MN1: variants seen among roughly 807,000 people sequenced by gnomAD.
MN1 encodes the protein MN1 proto-oncogene, transcriptional regulator, also known as transcriptional activator MN1.
MN1 carries 19 observed loss-of-function variants against 86.9 expected under a neutral mutation model. That is an observed-to-expected ratio of 0.22 (90% CI 0.15 to 0.32). The LOEUF (loss-of-function observed/expected upper bound fraction) is 0.32, where lower values mean the gene tolerates loss of function less well. Among genes scored for constraint, MN1 ranks in the 10% least tolerant of loss-of-function variants. The pLI is 1.00. For missense variants in MN1, 1,841 were observed against 1,862.0 expected, an observed-to-expected ratio of 0.99 and a Z score of 0.21; for synonymous variants, 928 against 849.6, an observed-to-expected ratio of 1.09 and a Z score of -1.60.
chr22:27,799,202 G>T lies in MN1; in HGVS notation c.1342C>A (p.Pro448Thr), dbSNP rs1455757896. The change falls in exon 1 of 2, where the codon CCC (proline) becomes ACC (threonine). Residue 448 changes from proline (P) to threonine (T), a missense_variant. Transcript: ENST00000302326. ...PNQRLQHFDA[P>T]PYMNVAKRPR... Reference sequence around the variant, plus strand: ...CTCTTGGCCACGTTCATGTAGGGGGGCGCGTCGAAATGCTGCAGCCGCTGG... The same window carrying T: ...CTCTTGGCCACGTTCATGTAGGGGGTCGCGTCGAAATGCTGCAGCCGCTGG... 2.5e-6 allele frequency: 4 copies of T among 1,604,230 alleles called. No homozygotes were observed. The highest frequency in any genetic ancestry group is 1.3e-5 in the African/African-American group (1 of 74,914).
intron 1 of MN1, among the ~76,000 whole-genome samples, chr22:27,756,892 A>G (rs1932805389): frequency 6.6e-6 from 1 of 152,022 alleles, no homozygotes; most frequent in African/African-American, 2.4e-5. Flanking sequence ...AGTAGCTGGG[A>G]CTATGGGTGT....
At position 27,798,924 on chromosome 22, in the gene MN1, T is replaced by TTGCTGC. The variant is rs750337114; in HGVS notation, c.1614_1619dup (p.Gln549_Gln550dup). The stretch of plus-strand genomic sequence containing the variant: ...GCTGCTGCTGCTGTTGCTGTTGCTG[T>TTGCTGC]TGCTGCTGCTGCTGCTGCTGTTGCT... On this transcript the variant is annotated inframe_insertion, in exon 1 of 2. Coordinates refer to ENST00000302326, the MANE Select transcript of MN1 (RefSeq NM_002430.3). The TTGCTGC allele has an allele frequency of 1.4e-5, 21 of 1,519,900 alleles. No individual in the cohort carries two copies. Among genetic ancestry groups the TTGCTGC allele is most frequent in the Middle Eastern group, 1.8e-4 (1 of 5,640 alleles). 94.2% of individuals were successfully genotyped at this position (1,519,900 alleles called of 1,614,324 possible). A position where few individuals can be genotyped will look rare whatever the true frequency, so the allele number is the denominator to read the frequency against.
At chr22:27,779,100 A>G (rs558189470) in intron 1 of MN1, among the ~76,000 whole-genome samples, 1 of 152,150 alleles carries the variant, frequency 6.6e-6, no homozygotes, top group African/African-American at 2.4e-5. Context: ...CACCCCTCCT[A>G]CACCTCAGGG....
chr22:27,779,064 C>CCGGT (rs1568977006), intron 1 of MN1, among the ~76,000 whole-genome samples: 1 of 152,178 alleles, frequency 6.6e-6, no homozygotes, highest in Non-Finnish European at 1.5e-5. Flanking sequence ...TGGGTCCATC[C>CCGGT]CGGTCCCTCT....
At chr22:27,761,800 C>G (rs1331139954) in intron 1 of MN1, among the ~76,000 whole-genome samples, 1 of 152,246 alleles carries the variant, frequency 6.6e-6, no homozygotes, top group Admixed American at 6.5e-5. Flanking sequence ...AGAGGCTGGG[C>G]CAGGCCCCTG....
At position 27,797,347 on chromosome 22, in the gene MN1, G is replaced by A. The variant is rs201578856; in HGVS notation, c.3197C>T (p.Pro1066Leu). The A allele has an allele frequency of 2.4e-5, 39 of 1,608,022 alleles. No homozygotes were observed. The highest frequency in any genetic ancestry group is 3.2e-5 in the Non-Finnish European group (38 of 1,179,902). ...CCTGCTCGCTTTAACTAGTGCCTGGGGGTTGTCAGAGCTGGACGACACCTC... is the reference window on the plus strand; with the variant it reads ...CCTGCTCGCTTTAACTAGTGCCTGGAGGTTGTCAGAGCTGGACGACACCTC... Reference protein sequence around the residue: ...EDEVSSSSDNPQALVKASRSP... With the variant: ...EDEVSSSSDNLQALVKASRSP... The change falls in exon 1 of 2, where the codon CCC becomes CTC. Residue 1066 changes from proline to leucine, a missense_variant. Coordinates refer to ENST00000302326, the MANE Select transcript of MN1 (RefSeq NM_002430.3).
intron 1 of MN1, among the ~76,000 whole-genome samples, chr22:27,775,836 C>CCGAATGGAATGG (rs1406181255): frequency 6.6e-6 from 1 of 152,218 alleles, no homozygotes; most frequent in East Asian, 1.9e-4. Context: ...CGCTCTCTCC[C>CCGAATGGAATGG]CGAATGGAAT....
At position 27,798,230 on chromosome 22, in the gene MN1, C is replaced by T. The variant is rs1294573254; in HGVS notation, c.2314G>A (p.Gly772Ser). ...GVNSPPSAGG[G>S]GGSSGGGGGG... ...CCGCCGCCACCAGAGCTGCCACCGC[C>T]CCCTCCCGCGCTGGGGGGCGAGTTC... is the stretch of plus-strand genomic sequence containing the variant. Residue 772 changes from glycine (G) to serine (S), a missense_variant, in exon 1 of 2, where the codon GGC becomes AGC. By Grantham distance (56) the Gly-to-Ser change is moderately conservative. Transcript: ENST00000302326. The T allele has an allele frequency of 5.3e-6, 8 of 1,520,196 alleles. No homozygotes were observed. The highest frequency in any genetic ancestry group is 7.0e-6 in the Non-Finnish European group (8 of 1,143,532). The allele number at this position is 1,520,196 out of a possible 1,614,324, so 94.2% of individuals were successfully genotyped here. A position where few individuals can be genotyped will look rare whatever the true frequency, so the allele number is the denominator to read the frequency against.
intron 1 of MN1, among the ~76,000 whole-genome samples, chr22:27,785,604 C>T (rs1327433183): frequency 6.6e-6 from 1 of 152,182 alleles, no homozygotes; most frequent in Non-Finnish European, 1.5e-5. Flanking sequence ...GGGCACCGAG[C>T]GTGGGGGCTC....
rs550247572 is a variant in MN1 at position 27,754,619 on chromosome 22, G to C, written c.3782-3523C>G. Among the ~76,000 whole-genome samples the C allele has an allele frequency of 1.6e-4, 24 of 152,316 alleles. No individual in the cohort carries two copies. In the South Asian group the frequency reaches 4.6e-3, roughly 29 times the overall value. ...CCTCCCGCTGGATTCATTCCAGCTA[G>C]GGGGACCTAACACGCCCTCAGACCG... On this transcript the variant is annotated intron_variant, in intron 1 of 1. Transcript: ENST00000302326.
chr22:27,755,151 C>T (rs1932794085), intron 1 of MN1, among the ~76,000 whole-genome samples: 1 of 152,332 alleles, frequency 6.6e-6, no homozygotes, highest in Non-Finnish European at 1.5e-5. Flanking sequence ...GGATTCCCAG[C>T]TGCTCAGGCC....
intron 1 of MN1, among the ~76,000 whole-genome samples, chr22:27,759,241 G>A (rs9613526): frequency 0.016 from 2,436 of 152,146 alleles, 43 homozygotes; most frequent in Admixed American, 0.048. Flanking sequence ...ACCCGTCTGC[G>A]GGGCCCCACA....
At chr22:27,795,284 C>T (rs1464042056) in intron 1 of MN1, among the ~76,000 whole-genome samples, 1 of 152,080 alleles carries the variant, frequency 6.6e-6, no homozygotes, top group Non-Finnish European at 1.5e-5. Flanking sequence ...ATTAGAAAAC[C>T]TAAGCGGGAA....
chr22:27,769,878 T>C (rs1161178456), intron 1 of MN1, among the ~76,000 whole-genome samples: 1 of 151,930 alleles, frequency 6.6e-6, no homozygotes, highest in African/African-American at 2.4e-5. Flanking sequence ...TTTTTAATCA[T>C]CTGCTATGTG....
Position 27,799,599 on chromosome 22 carries a change from C to G in MN1, c.945G>C (p.Glu315Asp). 6.5e-7 allele frequency: 1 copy of G among 1,536,892 alleles called. No homozygotes were observed. Among genetic ancestry groups the G allele is most frequent in the South Asian group, 1.2e-5 (1 of 81,698 alleles). The part of the protein sequence containing the change: ...QQQQQHGVFF[E>D]RFSGARKMPV... Reference sequence around the variant, plus strand: ...GCATCTTTCTGGCCCCACTGAACCTCTCAAAGAACACACCATGCTGCTGCT... The same window carrying G: ...GCATCTTTCTGGCCCCACTGAACCTGTCAAAGAACACACCATGCTGCTGCT... The change falls in exon 1 of 2, where the codon GAG becomes GAC. Residue 315 changes from glutamate to aspartate, a missense_variant. Coordinates refer to ENST00000302326, the MANE Select transcript of MN1 (RefSeq NM_002430.3).
At chr22:27,758,403 T>C (rs1568971005) in intron 1 of MN1, among the ~76,000 whole-genome samples, 1 of 152,182 alleles carries the variant, frequency 6.6e-6, no homozygotes, top group Non-Finnish European at 1.5e-5. Flanking sequence ...GAGATGTGCA[T>C]ACTTCTCTCC....
At chr22:27,772,852 CCATCATCATCAT>C (rs113365837) in intron 1 of MN1, among the ~76,000 whole-genome samples, 26 of 147,542 alleles carry the variant, frequency 1.8e-4, no homozygotes, top group Non-Finnish European at 3.6e-4. Flanking sequence ...ATCACCATTG[CCATCATCATCAT>C]CATCATCATC....
chr22:27,780,630 C>T (rs894104953), intron 1 of MN1, among the ~76,000 whole-genome samples: 1 of 152,202 alleles, frequency 6.6e-6, no homozygotes, highest in South Asian at 2.1e-4. Flanking sequence ...GCTGGCTCCT[C>T]GTCATCACTC....
Position 27,797,485 on chromosome 22 carries a change from T to C in MN1, c.3059A>G (p.Asp1020Gly). The C allele has an allele frequency of 6.3e-7, 1 of 1,597,554 alleles. No homozygotes were observed. Among genetic ancestry groups the C allele is most frequent in the Non-Finnish European group, 8.5e-7 (1 of 1,171,766 alleles). Residue 1020 changes from aspartate (D) to glycine (G), a missense_variant, in exon 1 of 2, where the codon GAT becomes GGT. Transcript: ENST00000302326. ...WGKGAELLLG[D>G]QPDLIGSLDG... ...CAGGGACCCAATGAGGTCCGGCTGATCCCCCAGGAGCAACTCAGCCCCCTT... is the reference window on the plus strand; with the variant it reads ...CAGGGACCCAATGAGGTCCGGCTGACCCCCCAGGAGCAACTCAGCCCCCTT...
Sources: gnomAD v4.1 joint callset for allele counts (sites outside exome capture counted in the v4.1 genomes callset) on GRCh38, gnomAD v4.1.1 for gene constraint, MANE v1.5 for transcripts, NCBI Gene and HGNC (gene_info 2026-07-23, HGNC 2026-07-21) for gene names.